Variants in PTPN5 observed in about 807,000 individuals in gnomAD.
PTPN5 encodes tyrosine-protein phosphatase non-receptor type 5.
PTPN5 carries 29 observed loss-of-function variants against 73.9 expected under a neutral mutation model. The observed-to-expected ratio is 0.39, with a 90% CI of 0.29 to 0.54. The LOEUF is 0.54. Ranked by LOEUF, PTPN5 falls within the 20% of genes least tolerant of loss-of-function variation. The pLI, the probability that PTPN5 is intolerant of heterozygous loss-of-function variation, is 0.65. For missense variants in PTPN5, 652 were observed against 751.4 expected, an observed-to-expected ratio of 0.87 and a Z score of 1.55; for synonymous variants, 267 against 304.7, an observed-to-expected ratio of 0.88 and a Z score of 1.29.
Position 18,729,638 on chromosome 11 carries a change from G to T in PTPN5, c.1490+20C>A, listed in dbSNP as rs1248662541. ...GGGTGGGGGGCTGCCCCGCTCCAGT[G>T]GCTGGCTGGGAGGACCCACCTGCAG... is the stretch of plus-strand genomic sequence containing the variant. On this transcript the variant is annotated intron_variant, in intron 13 of 14. Coordinates refer to ENST00000358540, the MANE Select transcript of PTPN5 (RefSeq NM_006906.2). This position sits in a 1 kb window ranked among gnomAD's most constrained non-coding sequence, Gnocchi z 5.2. The T allele has an allele frequency of 1.3e-6, 2 of 1,576,352 alleles. No individual in the cohort carries two copies. The highest frequency in any genetic ancestry group is 1.7e-6 in the Non-Finnish European group (2 of 1,163,910).
At position 18,742,556 on chromosome 11, in the gene PTPN5, T is replaced by C. The variant is rs1849417264; in HGVS notation, c.484-53A>G. ...TTCGGACCACGCTGGCTGCCCCCCG[T>C]GTTCCTGGAGTGCCCATGGGATTGA... On this transcript the variant is annotated intron_variant, in intron 6 of 14. Transcript: ENST00000358540. This position sits in a 1 kb window ranked among gnomAD's most constrained non-coding sequence, Gnocchi z 4.1. 24 of 1,598,064 alleles carry C rather than the reference T, an allele frequency of 1.5e-5. No homozygotes were observed. The Middle Eastern group carries it at 6.3e-4, about 42-fold the overall frequency.
intron 2 of PTPN5, among the ~76,000 whole-genome samples, chr11:18,767,860 C>T (rs1850707528): frequency 6.6e-6 from 1 of 152,178 alleles, no homozygotes; most frequent in South Asian, 2.1e-4. Flanking sequence ...TACCCTAAGT[C>T]CCTCTCCCTC....
intron 1 of PTPN5, among the ~76,000 whole-genome samples, chr11:18,775,486 C>A (rs546436485): frequency 5.9e-5 from 9 of 152,316 alleles, no homozygotes; most frequent in Non-Finnish European, 1.3e-4. Flanking sequence ...AGAAGAACGA[C>A]TGGAAGTCCT....
chr11:18,746,186 T>TATATAC lies in PTPN5; in HGVS notation c.98-1988_98-1987insGTATAT, dbSNP rs1554916208. 1.8e-4 allele frequency among the ~76,000 whole-genome samples: 21 copies of TATATAC among 117,448 alleles called. 1 individual carries two copies. The highest frequency in any genetic ancestry group is 9.6e-5 in the Non-Finnish European group (5 of 52,230). The allele number at this position is 117,448 out of a possible 152,430, so 77.1% of individuals were successfully genotyped here. On this transcript the variant is annotated intron_variant, in intron 3 of 14. Transcript: ENST00000358540. ...AAATATATATATATATATATATATATATATATACATTTTTTTTTTTTTTGA... is the reference window on the plus strand; with the variant it reads ...AAATATATATATATATATATATATATATATACATATATACATTTTTTTTTTTTTTGA...
intron 3 of PTPN5, among the ~76,000 whole-genome samples, chr11:18,752,234 A>G (rs1015603878): frequency 1.3e-5 from 2 of 152,252 alleles, no homozygotes; most frequent in Non-Finnish European, 2.9e-5. Flanking sequence ...CTCCGTCTTA[A>G]AAGAGCAAAT....
At chr11:18,786,533 C>T (rs1851680153) in intron 1 of PTPN5, among the ~76,000 whole-genome samples, 1 of 152,174 alleles carries the variant, frequency 6.6e-6, no homozygotes, top group Non-Finnish European at 1.5e-5. Flanking sequence ...TTCCACAATC[C>T]CCTAAGATAA....
intron 12 of PTPN5, among the ~76,000 whole-genome samples, chr11:18,731,521 AG>A (rs1848876276): frequency 6.6e-6 from 1 of 152,210 alleles, no homozygotes; most frequent in Non-Finnish European, 1.5e-5. Flanking sequence ...GGCATTGAGA[AG>A]GTGAGCAGCC....
At chr11:18,788,027 A>G (rs1201374374) in intron 1 of PTPN5, among the ~76,000 whole-genome samples, 1 of 152,026 alleles carries the variant, frequency 6.6e-6, no homozygotes, top group Non-Finnish European at 1.5e-5. Context: ...TCCTCCTCCT[A>G]TTGGGCTGTG....
At chr11:18,787,299 C>T (rs1405511862) in intron 1 of PTPN5, among the ~76,000 whole-genome samples, 1 of 151,446 alleles carries the variant, frequency 6.6e-6, no homozygotes, top group Non-Finnish European at 1.5e-5. Context: ...CAGTCTCACA[C>T]ATAAATGGTC....
Position 18,742,467 on chromosome 11 carries a change from T to A in PTPN5, c.520A>T (p.Thr174Ser). Residue 174 changes from threonine (T) to serine (S), a missense_variant, in exon 7 of 15, where the codon ACC becomes TCC. This residue lies in a region of PTPN5 where 529 missense variants were observed against 573.9 expected (regional missense o/e 0.92). Transcript: ENST00000358540. The surrounding 1 kb of genome is among the most constrained non-coding windows in gnomAD (Gnocchi z 4.1). ...HLLRTPPEPP[T>S]PLPPEDRRQS... ...CGCCTGTCCTCAGGGGGCAGTGGGG[T>A]GGGTGGCTCTGGGGGTGTCCTCAGG... The A allele has an allele frequency of 6.2e-7, 1 of 1,613,794 alleles. No homozygotes were observed.
rs1249643387 is a variant in PTPN5 at position 18,728,892 on chromosome 11, C to G, written c.*42G>C. 9 of 1,581,514 alleles carry G rather than the reference C, an allele frequency of 5.7e-6. No homozygotes were observed. Among genetic ancestry groups the G allele is most frequent in the Admixed American group, 1.8e-5 (1 of 55,090 alleles). On this transcript the variant is annotated 3_prime_UTR_variant, in exon 15 of 15. Transcript: ENST00000358540. The surrounding 1 kb of genome is among the most constrained non-coding windows in gnomAD (Gnocchi z 4.1). ...AGGGCCCTGGGTGAGGGCCGAGACT[C>G]AGGCTGGGCAGTGCCCAGAGAACCT... is the stretch of plus-strand genomic sequence containing the variant.
chr11:18,745,318 T>TG (rs1158236294), intron 3 of PTPN5, among the ~76,000 whole-genome samples: 2 of 152,206 alleles, frequency 1.3e-5, no homozygotes, highest in Admixed American at 1.3e-4. Context: ...GTCCATGAGC[T>TG]GCTCGCTCAC....
rs1848746523 is a variant in PTPN5 at position 18,728,969 on chromosome 11, A to G, written c.1663T>C (p.Tyr555His). The G allele has an allele frequency of 1.9e-6, 3 of 1,613,380 alleles. No individual in the cohort carries two copies. The highest frequency in any genetic ancestry group is 2.7e-5 in the African/African-American group (2 of 74,870). Reference sequence around the variant, plus strand: ...GACTGGTGGGACAGCTGCTTTTCGTAGAGGCTCATGACGTGGTGCACAAAC... The same window carrying G: ...GACTGGTGGGACAGCTGCTTTTCGTGGAGGCTCATGACGTGGTGCACAAAC... Reference protein sequence around the residue: ...YQFVHHVMSLYEKQLSHQSPE With the variant: ...YQFVHHVMSLHEKQLSHQSPE The change falls in exon 15 of 15, where the codon TAC (tyrosine) becomes CAC (histidine). Residue 555 changes from tyrosine to histidine, a missense_variant. Physicochemically the swap from Tyr to His is moderately conservative, Grantham distance 83 (BLOSUM62 2). This residue lies in a region of PTPN5 where 21 missense variants were observed against 16.9 expected (regional missense o/e 1.24). Coordinates refer to ENST00000358540, the MANE Select transcript of PTPN5 (RefSeq NM_006906.2). The surrounding 1 kb of genome is among the most constrained non-coding windows in gnomAD (Gnocchi z 4.1).
intron 3 of PTPN5, among the ~76,000 whole-genome samples, chr11:18,746,672 G>A (rs1245302106): frequency 2.0e-5 from 3 of 152,176 alleles, no homozygotes; most frequent in Non-Finnish European, 4.4e-5. Context: ...AGTGCATTAA[G>A]CAATAAATCT....
At chr11:18,747,029 G>A (rs1159233760) in intron 3 of PTPN5, among the ~76,000 whole-genome samples, 2 of 152,136 alleles carry the variant, frequency 1.3e-5, no homozygotes, top group African/African-American at 2.4e-5. Context: ...CTGGGTCTCA[G>A]TTTCCTTATC....
chr11:18,767,582 T>G (rs1850696163), intron 2 of PTPN5, among the ~76,000 whole-genome samples: 1 of 152,170 alleles, frequency 6.6e-6, no homozygotes, highest in Non-Finnish European at 1.5e-5. Context: ...ATGGCTCCAG[T>G]GCTTATGGCA....
chr11:18,773,992 C>T (rs1395919719), intron 1 of PTPN5, among the ~76,000 whole-genome samples: 2 of 152,240 alleles, frequency 1.3e-5, no homozygotes, highest in African/African-American at 2.4e-5. Context: ...GCCATCACCT[C>T]TTTGCACCCC....
chr11:18,764,901 A>G (rs1396533496), intron 3 of PTPN5, among the ~76,000 whole-genome samples: 22 of 151,938 alleles, frequency 1.4e-4, no homozygotes, highest in Non-Finnish European at 3.2e-4. Flanking sequence ...TTTAGTAGAG[A>G]CGGAGTTTCA....
intron 9 of PTPN5, among the ~76,000 whole-genome samples, chr11:18,734,674 C>T (rs1386478227): frequency 6.6e-6 from 1 of 152,138 alleles, no homozygotes; most frequent in Non-Finnish European, 1.5e-5. Flanking sequence ...TTGTTTTGTT[C>T]CAGCTACAGC....
Sources: allele counts gnomAD v4.1 joint callset (sites outside exome capture counted in the v4.1 genomes callset), GRCh38; gene constraint gnomAD v4.1.1; regional missense constraint gnomAD v4.1.1; non-coding constraint Gnocchi (gnomAD v3.1); transcripts MANE v1.5; gene names NCBI Gene and HGNC (gene_info 2026-07-23, HGNC 2026-07-21).